Variants in SGCA observed in about 807,000 individuals in gnomAD.
The protein encoded by SGCA is alpha-sarcoglycan.
Under a neutral mutation model 38.1 loss-of-function variants are expected in SGCA, and 34 were observed. The ratio of observed to expected loss-of-function variants is 0.89; its 90% confidence interval spans 0.68 to 1.19. The LOEUF is 1.19. Among genes scored for constraint, SGCA ranks in the 50% most tolerant of loss-of-function variants. SGCA has a pLI of 0.00. For missense variants in SGCA, 476 were observed against 524.9 expected (o/e 0.91, Z 0.91); for synonymous variants, 209 against 214.6 (o/e 0.97, Z 0.23).
chr17:50,168,811 C>T (rs1001754498), intron 5 of SGCA, among the ~76,000 whole-genome samples: 1 of 152,034 alleles, frequency 6.6e-6, no homozygotes, highest in Non-Finnish European at 1.5e-5. Context: ...GTACCAGATA[C>T]ATCCATTAAA....
intron 8 of SGCA, among the ~76,000 whole-genome samples, chr17:50,172,800 C>T (rs549148476): frequency 3.0e-5 from 4 of 132,906 alleles, no homozygotes; most frequent in East Asian, 1.9e-4. Flanking sequence ...CAGAGATGTA[C>T]GCTAAGTTGA....
At chr17:50,166,171 G>C in intron 1 of SGCA, 94 bp downstream of exon 1, 1 of 1,105,364 alleles carries the variant, frequency 9.0e-7, no homozygotes. Flanking sequence ...ACAGAAGAGG[G>C]ATCTGGGTTG....
rs1047186890 is a variant in SGCA, at chr17:50,173,296, C to A, written c.984-1961C>A. Among the ~76,000 whole-genome samples, 43 of 152,192 alleles carry A rather than the reference C, an allele frequency of 2.8e-4. 1 individual carries two copies. On this transcript the variant is annotated intron_variant, in intron 8 of 9. Coordinates refer to ENST00000262018, the MANE Select transcript of SGCA (RefSeq NM_000023.4). ...GATCAGATTTCAGCGGTCACAGAGT[C>A]CTCCAGGCCCCACGACCCTCTCCTG... is the stretch of plus-strand genomic sequence containing the variant.
chr17:50,166,052 A>G lies in SGCA; in HGVS notation c.12A>G (p.Thr4=). 1 of 1,613,286 alleles carries G rather than the reference A, an allele frequency of 6.2e-7. No individual in the cohort carries two copies. The highest frequency in any genetic ancestry group is 8.5e-7 in the Non-Finnish European group (1 of 1,179,610). Residue 4 remains threonine (T), a synonymous_variant, in exon 1 of 10, where the codon ACA becomes ACG. Transcript: ENST00000262018. The part of the protein sequence containing the change: MAE[T]LFWTPLLVVL... Reference sequence around the variant, plus strand: ...CAGGCCGGGCAGCCATGGCTGAGACACTCTTCTGGACTCCTCTCCTCGTGG... The same window carrying G: ...CAGGCCGGGCAGCCATGGCTGAGACGCTCTTCTGGACTCCTCTCCTCGTGG...
At chr17:50,170,465 C>A in intron 7 of SGCA, 114 bp downstream of exon 7, 2 of 1,365,228 alleles carry the variant, frequency 1.5e-6, no homozygotes, top group Non-Finnish European at 2.1e-6. Context: ...GGTTCTCAGG[C>A]ACAAAAGGAG....
At chr17:50,166,668 A>C (rs1038536155) in intron 1 of SGCA, among the ~76,000 whole-genome samples, 28 of 149,406 alleles carry the variant, frequency 1.9e-4, no homozygotes, top group Admixed American at 2.0e-4. Context: ...ACCCTCACAC[A>C]CACACACACC....
At chr17:50,170,118 C>T (rs766749734) in intron 6 of SGCA, 25 bp from the exon 7 acceptor site, 21 of 1,606,216 alleles carry the variant, frequency 1.3e-5, no homozygotes, top group East Asian at 8.9e-5. Context: ...CCACTTCCTG[C>T]GTCAGCCCTG....
Position 50,166,931 on chromosome 17 carries a change from ACACACACACCCT to A in SGCA, c.38-423_38-412del, listed in dbSNP as rs1312634636. Among the ~76,000 whole-genome samples the A allele has an allele frequency of 1.2e-4, 8 of 68,562 alleles. No homozygotes were observed. In the East Asian group the frequency reaches 4.3e-3, roughly 37 times the overall value. 45.0% of individuals were successfully genotyped at this position (68,562 alleles called of 152,430 possible). ...ACACACCCCCCACACACACCTTCAC[ACACACACACCCT>A]CACACACACCCTCTCACACACACTC... On this transcript the variant is annotated intron_variant, in intron 1 of 9. Coordinates refer to ENST00000262018, the MANE Select transcript of SGCA (RefSeq NM_000023.4).
chr17:50,175,859 T>C lies in SGCA; in HGVS notation c.*160T>C. On this transcript the variant is annotated 3_prime_UTR_variant, in exon 10 of 10. Transcript: ENST00000262018. ...GGGGGTGGGGTGGGGTGAGAGTGTG[T>C]GGAGTAAGGACATTCAGAATAAATA... The C allele has an allele frequency of 2.1e-6, 1 of 468,672 alleles. No homozygotes were observed. 29.0% of individuals were successfully genotyped at this position (468,672 alleles called of 1,614,324 possible).
chr17:50,171,789 A>AG (rs910864390), intron 8 of SGCA: 15 of 456,648 alleles, frequency 3.3e-5, no homozygotes, highest in Admixed American at 4.7e-5. Flanking sequence ...GCCATGTCGT[A>AG]GCCCGTGGTG....
In SGCA at chr17:50,175,239, C is replaced by A. The variant is rs750795695; in HGVS notation, c.984-18C>A. The A allele has an allele frequency of 3.0e-5, 47 of 1,588,898 alleles. No homozygotes were observed. Among genetic ancestry groups the A allele is most frequent in the Non-Finnish European group, 3.9e-5 (45 of 1,168,496 alleles). ...CAGCTGACTCCCAGAGCTGATGACT[C>A]CCCACCTGTGCCTCCAGCATCCAGA... On this transcript the variant is annotated intron_variant, in intron 8 of 9. Transcript: ENST00000262018.
At chr17:50,166,325 G>A (rs1904800847) in intron 1 of SGCA, among the ~76,000 whole-genome samples, 2 of 152,240 alleles carry the variant, frequency 1.3e-5, no homozygotes, top group South Asian at 2.1e-4. Flanking sequence ...GGGTGGGTCT[G>A]ACAGCACAGG....
chr17:50,169,276 G>A (rs776452550), intron 6 of SGCA, 22 bp downstream of exon 6: 33 of 1,598,130 alleles, frequency 2.1e-5, no homozygotes, highest in East Asian at 6.7e-5. Flanking sequence ...CCCTGGGTCC[G>A]GGGGTGGGGT....
chr17:50,166,763 ACACACACCCT>A (rs199620528), intron 1 of SGCA, among the ~76,000 whole-genome samples: 9,452 of 91,764 alleles, frequency 0.1, 970 homozygotes, highest in East Asian at 0.39. Flanking sequence ...ACACCCTCAC[ACACACACCCT>A]CACACACCCT....
rs1261183857 is a variant in SGCA at position 50,175,306 on chromosome 17, C to T, written c.1033C>T (p.Arg345Trp). 12 of 1,608,046 alleles carry T rather than the reference C, an allele frequency of 7.5e-6. No individual in the cohort carries two copies. The highest frequency in any genetic ancestry group is 1.1e-5 in the South Asian group (1 of 90,250). ...CTIHGNTEEL[R>W]QMAASREVPR... is the part of the protein sequence containing the mutation. ...CATCCACGGGAACACAGAGGAGCTG[C>T]GGCAGATGGCGGCCAGCCGCGAGGT... The change falls in exon 9 of 10, where the codon CGG (arginine) becomes TGG (tryptophan). Residue 345 changes from arginine to tryptophan, a missense_variant. Transcript: ENST00000262018.
chr17:50,169,989 G>A, intron 6 of SGCA, 154 bp from the exon 7 acceptor site: 1 of 695,348 alleles, frequency 1.4e-6, no homozygotes, highest in Non-Finnish European at 2.6e-6. Flanking sequence ...CAAACCAGGA[G>A]GTCAGACCCT....
At chr17:50,170,969 T>C (rs1339772601) in intron 8 of SGCA, among the ~76,000 whole-genome samples, 1 of 152,088 alleles carries the variant, frequency 6.6e-6, no homozygotes, top group East Asian at 1.9e-4. Context: ...GAGGCTGAGA[T>C]AGGAGAATCG....
chr17:50,169,618 G>C (rs1905215731), intron 6 of SGCA: 1 of 339,440 alleles, frequency 2.9e-6, no homozygotes, highest in Admixed American at 4.5e-5. Context: ...CTGCTTTTCT[G>C]TAAGGTGCCA....
chr17:50,168,634 A>G, intron 5 of SGCA, 62 bp downstream of exon 5: 1 of 1,447,214 alleles, frequency 6.9e-7, no homozygotes, highest in Non-Finnish European at 9.5e-7. Flanking sequence ...GCGGGCATAG[A>G]ACAAGGGTCT....
Sources: allele counts gnomAD v4.1 joint callset (sites outside exome capture counted in the v4.1 genomes callset), GRCh38; gene constraint gnomAD v4.1.1; transcripts MANE v1.5; gene names NCBI Gene and HGNC (gene_info 2026-07-23, HGNC 2026-07-21).